The following CAMK2D variants were observed in gnomAD, a reference collection of about 807,000 sequenced individuals.
CAMK2D encodes calcium/calmodulin-dependent protein kinase type II subunit delta.
In CAMK2D, 37 loss-of-function variants were observed where a neutral mutation model predicts 84.0. That is an observed-to-expected ratio of 0.44 (90% CI 0.34 to 0.58). CAMK2D has a LOEUF of 0.58. CAMK2D is among the 20% of genes least tolerant of loss of function. The probability of loss-of-function intolerance (pLI) is 0.02; values close to 1 mark genes in which losing one functional copy is unlikely to be tolerated. For synonymous variants in CAMK2D, 202 were observed against 212.5 expected, an observed-to-expected ratio of 0.95 and a Z score of 0.43; for missense variants, 448 against 652.5, an observed-to-expected ratio of 0.69 and a Z score of 3.41.
intron 3 of CAMK2D, among the ~76,000 whole-genome samples, chr4:113,657,356 G>A (rs1318860475): frequency 2.6e-5 from 4 of 152,056 alleles, no homozygotes; most frequent in African/African-American, 9.7e-5. Flanking sequence ...GGAAAAGAGG[G>A]CCATTGTCTC....
chr4:113,530,215 A>G (rs958281143), intron 8 of CAMK2D, among the ~76,000 whole-genome samples: 10 of 152,234 alleles, frequency 6.6e-5, no homozygotes, highest in African/African-American at 2.4e-4. Flanking sequence ...TACATACATA[A>G]TAAGATATCT....
At chr4:113,458,256 T>C (rs922508466) in intron 18 of CAMK2D, among the ~76,000 whole-genome samples, 3 of 152,198 alleles carry the variant, frequency 2.0e-5, no homozygotes, top group South Asian at 2.1e-4. Context: ...GCCCTCACTA[T>C]GCTCCAGCCT....
rs1465775370 is a variant in CAMK2D, at chr4:113,505,017, C to T, written c.1003G>A (p.Val335Met). The T allele has an allele frequency of 5.7e-6, 9 of 1,582,338 alleles. No individual in the cohort carries two copies. Among genetic ancestry groups the T allele is most frequent in the Middle Eastern group, 1.7e-4 (1 of 6,026 alleles). ...ATATTTTCTTTGGGGCTGGTTACCA[C>T]GTTGGCTTTGTTGTTTATCTGTGGG... is the stretch of plus-strand genomic sequence containing the variant. ...DGVKINNKAN[V>M]VTSPKENIPT... Residue 335 changes from valine to methionine, a missense_variant, in exon 14 of 21, where the codon GTG becomes ATG. By Grantham distance (21) the Val-to-Met change is conservative. This residue lies in a region of CAMK2D where 219 missense variants were observed against 272.1 expected (regional missense o/e 0.80). Coordinates refer to ENST00000511664, the MANE Select transcript of CAMK2D (RefSeq NM_001321571.2).
Position 113,717,826 on chromosome 4 carries a change from A to C in CAMK2D, c.160+41494T>G, listed in dbSNP as rs185395738. On this transcript the variant is annotated intron_variant, in intron 2 of 20. Transcript: ENST00000511664. ...ATTAATATAACTATATTAAAGTTAG[A>C]TTGCTGACCTCAATTATAATATAGA... 2.0e-3 allele frequency among the ~76,000 whole-genome samples: 305 copies of C among 152,194 alleles called. 1 individual carries two copies. The highest frequency in any genetic ancestry group is 4.0e-3 in the Admixed American group (61 of 15,278).
chr4:113,698,426 T>G (rs1168952717), intron 2 of CAMK2D, among the ~76,000 whole-genome samples: 1 of 152,094 alleles, frequency 6.6e-6, no homozygotes, highest in South Asian at 2.1e-4. Flanking sequence ...AGATGTACCT[T>G]GTACAGTTTC....
intron 3 of CAMK2D, among the ~76,000 whole-genome samples, chr4:113,658,067 G>A (rs1022596490): frequency 6.6e-6 from 1 of 152,092 alleles, no homozygotes; most frequent in African/African-American, 2.4e-5. Context: ...TGCGATGATC[G>A]ACAGGAACTG....
rs148592004 is a variant in CAMK2D, at chr4:113,548,137, C to T, written c.342-421G>A. ...AGCTGTCACATTAACAGTCAGGGCA[C>T]CACTAAGGTTAAATTAAGATACCTA... On this transcript the variant is annotated intron_variant, in intron 5 of 20. Coordinates refer to ENST00000511664, the MANE Select transcript of CAMK2D (RefSeq NM_001321571.2). 6.2e-3 allele frequency among the ~76,000 whole-genome samples: 941 copies of T among 152,252 alleles called. 6 individuals are homozygous for T. The highest frequency in any genetic ancestry group is 0.011 in the Non-Finnish European group (724 of 68,010).
chr4:113,723,396 T>A (rs920367780), intron 2 of CAMK2D, among the ~76,000 whole-genome samples: 4 of 152,058 alleles, frequency 2.6e-5, no homozygotes, highest in Non-Finnish European at 2.9e-5. Context: ...GGCTGATTTT[T>A]TATTTTTAGT....
intron 16 of CAMK2D, among the ~76,000 whole-genome samples, chr4:113,480,731 C>T (rs1187515581): frequency 6.6e-6 from 1 of 152,152 alleles, no homozygotes; most frequent in Non-Finnish European, 1.5e-5. Context: ...ATCCCAGCTA[C>T]TCGGGAGTCT....
At chr4:113,657,001 C>A (rs1313680236) in intron 3 of CAMK2D, among the ~76,000 whole-genome samples, 1 of 152,104 alleles carries the variant, frequency 6.6e-6, no homozygotes, top group Non-Finnish European at 1.5e-5. Flanking sequence ...TGTCTAAGTC[C>A]TTGGCCTGCC....
At chr4:113,736,827 C>T in intron 2 of CAMK2D, among the ~76,000 whole-genome samples, 1 of 152,182 alleles carries the variant, frequency 6.6e-6, no homozygotes. Context: ...CCCTCTGGTT[C>T]CTCGTGATTC....
intron 2 of CAMK2D, among the ~76,000 whole-genome samples, chr4:113,739,986 T>A (rs1157874573): frequency 6.6e-6 from 1 of 152,200 alleles, no homozygotes; most frequent in Non-Finnish European, 1.5e-5. Context: ...CTTCAAAATA[T>A]CTAAACTATT....
At chr4:113,500,419 G>A (rs1238446656) in intron 16 of CAMK2D, 44 bp downstream of exon 16, 2 of 1,206,388 alleles carry the variant, frequency 1.7e-6, no homozygotes, top group Non-Finnish European at 2.4e-6. Context: ...ATATATATAT[G>A]TGAAGCTCTG....
At chr4:113,617,206 G>T (rs896252094) in intron 3 of CAMK2D, among the ~76,000 whole-genome samples, 2 of 152,054 alleles carry the variant, frequency 1.3e-5, no homozygotes, top group South Asian at 2.1e-4. Flanking sequence ...GGTGACTTAC[G>T]CCTGTAATCC....
chr4:113,634,824 G>A (rs1471237817), intron 3 of CAMK2D, among the ~76,000 whole-genome samples: 2 of 152,124 alleles, frequency 1.3e-5, no homozygotes, highest in African/African-American at 2.4e-5. Flanking sequence ...ATGCAGCCAA[G>A]GCATTCCCCC....
In CAMK2D at chr4:113,611,536, G is replaced by A. The variant is rs537005199; in HGVS notation, c.221-2330C>T. On this transcript the variant is annotated intron_variant, in intron 3 of 20. Coordinates refer to ENST00000511664, the MANE Select transcript of CAMK2D (RefSeq NM_001321571.2). ...AGGTAAAAGCCTTAGGTGCAGGTGG[G>A]ATCTCAGGTGTCCAGATCGAAGAGG... is the stretch of plus-strand genomic sequence containing the variant. Among the ~76,000 whole-genome samples, 7 of 152,284 alleles carry A rather than the reference G, an allele frequency of 4.6e-5. No individual in the cohort carries two copies. The South Asian group carries it at 1.5e-3, about 32-fold the overall frequency.
intron 2 of CAMK2D, among the ~76,000 whole-genome samples, chr4:113,733,814 CTAAT>C (rs2099574796): frequency 6.6e-6 from 1 of 150,540 alleles, no homozygotes; most frequent in Non-Finnish European, 1.5e-5. Flanking sequence ...ATACATGTAA[CTAAT>C]TATAATGAGC....
intron 2 of CAMK2D, among the ~76,000 whole-genome samples, chr4:113,692,631 T>C (rs1031898480): frequency 1.3e-5 from 2 of 151,984 alleles, no homozygotes; most frequent in African/African-American, 4.8e-5. Context: ...CATTCATATA[T>C]TCATTCATAC....
At chr4:113,744,338 A>T (rs1354722295) in intron 2 of CAMK2D, among the ~76,000 whole-genome samples, 2 of 152,160 alleles carry the variant, frequency 1.3e-5, no homozygotes, top group African/African-American at 4.8e-5. Context: ...ACACTATTGA[A>T]ATTCTGCCAT....
Sources: gnomAD v4.1 joint callset for allele counts (sites outside exome capture counted in the v4.1 genomes callset) on GRCh38, gnomAD v4.1.1 for gene constraint, gnomAD v4.1.1 regional missense constraint, MANE v1.5 for transcripts, NCBI Gene and HGNC (gene_info 2026-07-23, HGNC 2026-07-21) for gene names.